The following FSTL5 variants were observed in gnomAD, a reference collection of about 807,000 sequenced individuals.
FSTL5 encodes follistatin-related protein 5.
FSTL5 carries 62 observed loss-of-function variants against 89.1 expected under a neutral mutation model. The ratio of observed to expected loss-of-function variants is 0.70; its 90% confidence interval spans 0.57 to 0.86. The LOEUF (loss-of-function observed/expected upper bound fraction) is 0.86, where lower values mean the gene tolerates loss of function less well. FSTL5 is among the 40% of genes least tolerant of loss of function. FSTL5 has a pLI of 0.00. For synonymous variants in FSTL5, 383 were observed against 346.2 expected (o/e 1.11, Z -1.18); for missense variants, 1,057 against 1,001.6 (o/e 1.06, Z -0.75).
At chr4:161,980,184 G>A (rs1353561566) in intron 3 of FSTL5, among the ~76,000 whole-genome samples, 1 of 139,318 alleles carries the variant, frequency 7.2e-6, no homozygotes, top group East Asian at 2.1e-4. Flanking sequence ...AAAGAGAGGA[G>A]GAGACAAGGA....
chr4:162,102,006 G>A (rs1178917140), intron 2 of FSTL5, among the ~76,000 whole-genome samples: 1 of 152,034 alleles, frequency 6.6e-6, no homozygotes, highest in African/African-American at 2.4e-5. Flanking sequence ...TATCCACAGA[G>A]GCCTCTTGAA....
chr4:161,473,269 T>A (rs1734012058), intron 13 of FSTL5, among the ~76,000 whole-genome samples: 1 of 152,200 alleles, frequency 6.6e-6, no homozygotes, highest in Non-Finnish European at 1.5e-5. Context: ...GTTATCATTG[T>A]AGAACTCCCT....
intron 4 of FSTL5, among the ~76,000 whole-genome samples, chr4:161,790,347 C>T (rs575134513): frequency 1.3e-5 from 2 of 152,268 alleles, no homozygotes; most frequent in African/African-American, 4.8e-5. Flanking sequence ...CAAGTATAGC[C>T]TTTGAGGAAA....
At position 161,581,564 on chromosome 4, in the gene FSTL5, A is replaced by T. The variant is rs572650778; in HGVS notation, c.1015+5891T>A. Among the ~76,000 whole-genome samples, 134 of 152,318 alleles carry T rather than the reference A, an allele frequency of 8.8e-4. 1 individual carries two copies. The highest frequency in any genetic ancestry group is 3.2e-3 in the African/African-American group (132 of 41,568). ...CAAGAAAGAAAGCTATTGTTGCCCC[A>T]GACTTAAGCTGGGTTTTCTAAATAA... is the stretch of plus-strand genomic sequence containing the variant. On this transcript the variant is annotated intron_variant, in intron 8 of 15. Transcript: ENST00000306100.
At chr4:162,085,261 T>C (rs1218602015) in intron 2 of FSTL5, among the ~76,000 whole-genome samples, 1 of 152,096 alleles carries the variant, frequency 6.6e-6, no homozygotes. Flanking sequence ...TGTTAATGTG[T>C]TCAATATATT....
chr4:162,110,646 T>G (rs1375185019), intron 2 of FSTL5, among the ~76,000 whole-genome samples: 1 of 151,864 alleles, frequency 6.6e-6, no homozygotes, highest in Admixed American at 6.6e-5. Flanking sequence ...TTATTTTCAG[T>G]ATCATGGACT....
At chr4:161,925,164 C>T (rs990776783) in intron 3 of FSTL5, among the ~76,000 whole-genome samples, 4 of 151,770 alleles carry the variant, frequency 2.6e-5, no homozygotes, top group Non-Finnish European at 5.9e-5. Context: ...CTAATGAAAG[C>T]TAATGTATGG....
intron 3 of FSTL5, among the ~76,000 whole-genome samples, chr4:161,940,602 T>C (rs1323266431): frequency 2.0e-5 from 3 of 151,622 alleles, no homozygotes; most frequent in Non-Finnish European, 4.4e-5. Context: ...CCAGAGGTAG[T>C]TGGAAGATAA....
At chr4:162,010,738 T>C (rs1262577557) in intron 3 of FSTL5, among the ~76,000 whole-genome samples, 1 of 152,254 alleles carries the variant, frequency 6.6e-6, no homozygotes, top group African/African-American at 2.4e-5. Flanking sequence ...CTTTGTACAT[T>C]TCAAAGGTTC....
At chr4:161,781,010 C>T (rs1741646213) in intron 4 of FSTL5, among the ~76,000 whole-genome samples, 1 of 151,836 alleles carries the variant, frequency 6.6e-6, no homozygotes, top group South Asian at 2.1e-4. Flanking sequence ...AGTTTGATTC[C>T]AATATAAGCT....
At chr4:161,479,256 AT>A (rs1450658707) in intron 13 of FSTL5, among the ~76,000 whole-genome samples, 2 of 152,104 alleles carry the variant, frequency 1.3e-5, no homozygotes, top group Admixed American at 1.3e-4. Flanking sequence ...ATTTTGAAAA[AT>A]AATACAGTTT....
chr4:161,465,548 A>G (rs1560908214), intron 13 of FSTL5, among the ~76,000 whole-genome samples: 3 of 152,098 alleles, frequency 2.0e-5, no homozygotes, highest in Non-Finnish European at 4.4e-5. Flanking sequence ...CAGTTTCCCA[A>G]GCAGCTACAG....
chr4:161,473,041 C>T (rs1734004117), intron 13 of FSTL5, among the ~76,000 whole-genome samples: 1 of 152,200 alleles, frequency 6.6e-6, no homozygotes, highest in East Asian at 1.9e-4. Context: ...CTTTTAAAAT[C>T]TATTGAGACT....
intron 7 of FSTL5, among the ~76,000 whole-genome samples, chr4:161,590,349 G>A (rs188713341): frequency 3.3e-4 from 50 of 152,208 alleles, no homozygotes; most frequent in African/African-American, 1.2e-3. Flanking sequence ...GACCAGCCCG[G>A]CCAACATGAG....
chr4:161,802,212 G>A (rs1300033775), intron 4 of FSTL5, among the ~76,000 whole-genome samples: 1 of 151,638 alleles, frequency 6.6e-6, no homozygotes, highest in Non-Finnish European at 1.5e-5. Context: ...TAAAATAGGT[G>A]CAGTCATTGG....
intron 6 of FSTL5, among the ~76,000 whole-genome samples, chr4:161,669,968 T>C (rs1277367151): frequency 1.3e-5 from 2 of 152,126 alleles, no homozygotes; most frequent in African/African-American, 4.8e-5. Context: ...CTTACAAAAA[T>C]ATCAACTAAA....
intron 6 of FSTL5, among the ~76,000 whole-genome samples, chr4:161,711,143 GA>G (rs35646694): frequency 0.19 from 28,292 of 151,842 alleles, 3,085 homozygotes; most frequent in Non-Finnish European, 0.26. Context: ...GGTCCTGGGG[GA>G]CAAGGGGACA....
intron 11 of FSTL5, among the ~76,000 whole-genome samples, chr4:161,505,472 T>A (rs1730446970): frequency 1.3e-5 from 2 of 152,154 alleles, no homozygotes; most frequent in Non-Finnish European, 2.9e-5. Context: ...CTGACCACTA[T>A]GTATATTGGC....
chr4:161,563,859 T>G (rs1372601158), intron 8 of FSTL5, among the ~76,000 whole-genome samples: 1 of 151,988 alleles, frequency 6.6e-6, no homozygotes, highest in East Asian at 1.9e-4. Context: ...CAACCTGTTT[T>G]GAAAGTTTTC....
Sources: gnomAD v4.1 joint callset for allele counts (sites outside exome capture counted in the v4.1 genomes callset) on GRCh38, gnomAD v4.1.1 for gene constraint, MANE v1.5 for transcripts, NCBI Gene and HGNC (gene_info 2026-07-23, HGNC 2026-07-21) for gene names.